The following TMEM117 variants were observed in gnomAD, a reference collection of about 807,000 sequenced individuals.
TMEM117 encodes transmembrane protein 117.
A neutral mutation model predicts 52.4 loss-of-function variants in TMEM117; 27 were observed. The ratio of observed to expected loss-of-function variants is 0.51; its 90% CI spans 0.38 to 0.71. The LOEUF (loss-of-function observed/expected upper bound fraction) is 0.71, where lower values mean the gene tolerates loss of function less well. TMEM117 is among the 30% of genes least tolerant of loss of function. The probability of loss-of-function intolerance (pLI) is 0.00; values close to 1 mark genes in which losing one functional copy is unlikely to be tolerated. For synonymous variants in TMEM117, 215 were observed against 206.3 expected (o/e 1.04, Z -0.36); for missense variants, 556 against 630.5 (o/e 0.88, Z 1.26).
chr12:44,153,646 T>C (rs189883287), intron 4 of TMEM117, among the ~76,000 whole-genome samples: 3 of 152,144 alleles, frequency 2.0e-5, no homozygotes, highest in African/African-American at 7.2e-5. Context: ...CTTATTATTG[T>C]TTAAGATAGA....
intron 3 of TMEM117, among the ~76,000 whole-genome samples, chr12:44,044,108 C>G (rs993500326): frequency 6.6e-6 from 1 of 152,184 alleles, no homozygotes; most frequent in African/African-American, 2.4e-5. Context: ...GTACTCATCC[C>G]AGCTGGGAAG....
chr12:43,835,623 A>C (rs1943013120), upstream of TMEM117, among the ~76,000 whole-genome samples: 1 of 151,974 alleles, frequency 6.6e-6, no homozygotes. Context: ...GCGACCTGAG[A>C]TTGCTTTCGA....
chr12:44,179,206 C>T (rs1005264251), intron 4 of TMEM117, among the ~76,000 whole-genome samples: 2 of 151,816 alleles, frequency 1.3e-5, no homozygotes, highest in Non-Finnish European at 2.9e-5. Flanking sequence ...AAAAACAAAA[C>T]AAAGCTGCTA....
intron 4 of TMEM117, among the ~76,000 whole-genome samples, chr12:44,157,536 T>C (rs1166965735): frequency 6.6e-6 from 1 of 152,124 alleles, no homozygotes; most frequent in African/African-American, 2.4e-5. Context: ...CAGGAACTGA[T>C]ACCAAGACTG....
chr12:44,336,120 G>A (rs1270484814), intron 6 of TMEM117, among the ~76,000 whole-genome samples: 1 of 152,056 alleles, frequency 6.6e-6, no homozygotes, highest in Non-Finnish European at 1.5e-5. Flanking sequence ...GTTGCAGAAT[G>A]TTTTGAGGGA....
At chr12:44,141,594 T>C (rs1948572750) in intron 3 of TMEM117, among the ~76,000 whole-genome samples, 1 of 152,140 alleles carries the variant, frequency 6.6e-6, no homozygotes. Context: ...TACCCCAAGA[T>C]ATTCTAGAAC....
At chr12:44,048,410 T>C (rs1019661275) in intron 3 of TMEM117, among the ~76,000 whole-genome samples, 12 of 152,190 alleles carry the variant, frequency 7.9e-5, no homozygotes, top group African/African-American at 2.7e-4. Flanking sequence ...GTTTTACTGT[T>C]ATTTTTGTAA....
intron 3 of TMEM117, among the ~76,000 whole-genome samples, chr12:44,123,340 T>C (rs1040959847): frequency 1.3e-5 from 2 of 152,204 alleles, no homozygotes; most frequent in African/African-American, 4.8e-5. Context: ...TCTCCCATTC[T>C]GTAGGTTGTC....
intron 6 of TMEM117, among the ~76,000 whole-genome samples, chr12:44,328,313 T>G (rs1287605839): frequency 6.6e-6 from 1 of 152,148 alleles, no homozygotes; most frequent in Admixed American, 6.6e-5. Context: ...AGTAAGAGTT[T>G]TCATAAATGT....
intron 3 of TMEM117, among the ~76,000 whole-genome samples, chr12:44,130,347 G>T (rs1948393945): frequency 1.3e-5 from 2 of 152,120 alleles, no homozygotes; most frequent in South Asian, 4.1e-4. Flanking sequence ...CTGCCCTCTG[G>T]CTGTCCTAGT....
intron 3 of TMEM117, among the ~76,000 whole-genome samples, chr12:44,081,786 C>T (rs1947485313): frequency 6.6e-6 from 1 of 152,010 alleles, no homozygotes; most frequent in African/African-American, 2.4e-5. Flanking sequence ...AAGTTATTTA[C>T]TGGAAGCCTT....
chr12:44,097,230 G>T (rs1013849343), intron 3 of TMEM117, among the ~76,000 whole-genome samples: 1 of 152,138 alleles, frequency 6.6e-6, no homozygotes, highest in Non-Finnish European at 1.5e-5. Context: ...TGCTGGAGAG[G>T]ATGTGGAGAA....
chr12:44,149,173 T>C (rs572729946), intron 4 of TMEM117, among the ~76,000 whole-genome samples: 1 of 152,344 alleles, frequency 6.6e-6, no homozygotes, highest in East Asian at 1.9e-4. Context: ...TGCCAGTGCA[T>C]TCTTCGAATG....
chr12:43,898,393 T>C (rs1440097066), intron 2 of TMEM117, among the ~76,000 whole-genome samples: 1 of 148,660 alleles, frequency 6.7e-6, no homozygotes, highest in Non-Finnish European at 1.5e-5. Context: ...ATTAATAATA[T>C]ATTAATAATT....
At chr12:44,255,187 C>T (rs896899720) in intron 5 of TMEM117, among the ~76,000 whole-genome samples, 1 of 152,088 alleles carries the variant, frequency 6.6e-6, no homozygotes, top group Non-Finnish European at 1.5e-5. Context: ...AATGGGATGG[C>T]TGGGTGAAAT....
At chr12:44,329,114 G>T (rs935927183) in intron 6 of TMEM117, among the ~76,000 whole-genome samples, 6 of 151,968 alleles carry the variant, frequency 3.9e-5, no homozygotes, top group Middle Eastern at 3.2e-3. Context: ...GGGTTTCACT[G>T]TGTAAAATAT....
At chr12:44,044,775 A>G (rs897516146) in intron 3 of TMEM117, among the ~76,000 whole-genome samples, 30 of 152,244 alleles carry the variant, frequency 2.0e-4, no homozygotes, top group African/African-American at 7.2e-4. Flanking sequence ...GAAGGTCAAC[A>G]GTGAAGGGAA....
Position 43,844,975 on chromosome 12 carries a change from T to G in TMEM117, c.277+47T>G, listed in dbSNP as rs1341560380. 3.2e-6 allele frequency: 5 copies of G among 1,557,374 alleles called. No individual in the cohort carries two copies. The East Asian group carries it at 1.1e-4, about 35-fold the overall frequency. ...ATGTAATATCACTAATTATTTAATTTCTATTCTCCAAGATACAACTTTGCT... is the reference window on the plus strand; with the variant it reads ...ATGTAATATCACTAATTATTTAATTGCTATTCTCCAAGATACAACTTTGCT... On this transcript the variant is annotated intron_variant, in intron 2 of 7. Transcript: ENST00000266534.
At chr12:43,801,820 A>C in the TMEM117 span, among the ~76,000 whole-genome samples, 2 of 152,092 alleles carry the variant, frequency 1.3e-5, no homozygotes, top group Admixed American at 1.3e-4. Flanking sequence ...ACTTAAGGCC[A>C]CGAGTTTGAG....
Sources: allele counts gnomAD v4.1 joint callset (sites outside exome capture counted in the v4.1 genomes callset), GRCh38; gene constraint gnomAD v4.1.1; transcripts MANE v1.5; gene names NCBI Gene and HGNC (gene_info 2026-07-23, HGNC 2026-07-21).